Variants in GPN1 observed in about 807,000 individuals in gnomAD.
GPN1 encodes ATP(GTP)-binding protein.
GPN1 carries 44 observed loss-of-function variants against 55.9 expected under a neutral mutation model. The ratio of observed to expected loss-of-function variants is 0.79; its 90% CI spans 0.62 to 1.01. The LOEUF is 1.01. GPN1 is among the 50% of genes least tolerant of loss of function. The pLI, the probability that GPN1 is intolerant of heterozygous loss-of-function variation, is 0.00. For synonymous variants in GPN1, 179 were observed against 162.5 expected, an observed-to-expected ratio of 1.10 and a Z score of -0.77; for missense variants, 466 against 462.8, an observed-to-expected ratio of 1.01 and a Z score of -0.06.
Position 27,643,560 on chromosome 2 carries a change from T to C in GPN1, c.931+1041T>C, listed in dbSNP as rs1041904778. Among the ~76,000 whole-genome samples the C allele has an allele frequency of 6.6e-6, 1 of 152,200 alleles. No homozygotes were observed. Among genetic ancestry groups the C allele is most frequent in the African/African-American group, 2.4e-5 (1 of 41,446 alleles). Reference sequence around the variant, plus strand: ...TTATTCAGATGTAGCCATTTCCCCATGATAGCAGGAGAAAATCTGGATGTG... The same window carrying C: ...TTATTCAGATGTAGCCATTTCCCCACGATAGCAGGAGAAAATCTGGATGTG... On this transcript the variant is annotated intron_variant, in intron 12 of 13. Coordinates refer to ENST00000610189, the MANE Select transcript of GPN1 (RefSeq NM_007266.4). This position sits in a 1 kb window ranked among gnomAD's most constrained non-coding sequence, Gnocchi z 4.0.
chr2:27,631,874 A>G lies in GPN1; in HGVS notation c.286A>G (p.Asn96Asp), dbSNP rs1673566912. 2 of 1,599,800 alleles carry G rather than the reference A, an allele frequency of 1.3e-6. No homozygotes were observed. The highest frequency in any genetic ancestry group is 1.7e-6 in the Non-Finnish European group (2 of 1,166,952). The change falls in exon 4 of 14, where the codon AAT becomes GAT. Residue 96 changes from asparagine to aspartate, a missense_variant. Asn to Asp is a conservative substitution (Grantham distance 23, BLOSUM62 1). Coordinates refer to ENST00000610189, the MANE Select transcript of GPN1 (RefSeq NM_007266.4). ...CAATGGCGGCATAGTGACCTCACTC[A>G]ATCTCTTTGCTACCAGATTTGATCA... ...GPNGGIVTSL[N>D]LFATRFDQVM...
chr2:27,634,514 C>T (rs561746631), intron 5 of GPN1, among the ~76,000 whole-genome samples: 142 of 152,336 alleles, frequency 9.3e-4, no homozygotes, highest in Middle Eastern at 6.8e-3. Flanking sequence ...CACTCACCCC[C>T]GCCCTAAGCA....
At position 27,648,094 on chromosome 2, in the gene GPN1, T is replaced by TCCTG. The variant is rs1674329757; in HGVS notation, c.1039+155_1039+158dup. ...GAGTTTCCTATATTGAGAGTTCCTG[T>TCCTG]CCTGCCTACTGGATGGTTAATACTG... is the stretch of plus-strand genomic sequence containing the variant. On this transcript the variant is annotated intron_variant, in intron 13 of 13. Coordinates refer to ENST00000610189, the MANE Select transcript of GPN1 (RefSeq NM_007266.4). The TCCTG allele has an allele frequency of 4.8e-6, 3 of 618,560 alleles. No individual in the cohort carries two copies. In the African/African-American group the frequency reaches 5.5e-5, roughly 11 times the overall value. The allele number at this position is 618,560 out of a possible 1,614,324, so 38.3% of individuals were successfully genotyped here.
At chr2:27,649,906 C>T (rs550040682) in intron 13 of GPN1, among the ~76,000 whole-genome samples, 3 of 152,270 alleles carry the variant, frequency 2.0e-5, no homozygotes, top group East Asian at 3.9e-4. Context: ...ATTTTAGCTA[C>T]TATGAGGGAG....
In GPN1 at chr2:27,650,161, A is replaced by G. The variant is rs1674457143; in HGVS notation, c.1086A>G (p.Gln362=). ...AGCCAGCATTCCAGAATTTTATGCA[A>G]GAATCGATGGCACAATACTGGAAGA... ...HEEPAFQNFM[Q]ESMAQYWKRN... The change falls in exon 14 of 14, where the codon CAA becomes CAG. Residue 362 remains glutamine, a synonymous_variant. Coordinates refer to ENST00000610189, the MANE Select transcript of GPN1 (RefSeq NM_007266.4). The G allele has an allele frequency of 1.2e-6, 2 of 1,607,896 alleles. No individual in the cohort carries two copies. The highest frequency in any genetic ancestry group is 1.7e-6 in the Non-Finnish European group (2 of 1,174,374).
At position 27,635,135 on chromosome 2, in the gene GPN1, T is replaced by A. The variant is rs1298374690; in HGVS notation, c.430-5T>A. On this transcript the variant is annotated splice_polypyrimidine_tract_variant and splice_region_variant and intron_variant, in intron 6 of 13. Transcript: ENST00000610189. ...ACCAAGGCTTTGATTTTTTTGTGGCTTTAGGCATCCTCATTTCCAACAGTT... is the reference window on the plus strand; with the variant it reads ...ACCAAGGCTTTGATTTTTTTGTGGCATTAGGCATCCTCATTTCCAACAGTT... 6.4e-7 allele frequency: 1 copy of A among 1,550,816 alleles called. No homozygotes were observed. Among genetic ancestry groups the A allele is most frequent in the Admixed American group, 1.7e-5 (1 of 58,606 alleles).
intron 3 of GPN1, chr2:27,631,561 A>G (rs1673554479): frequency 7.5e-6 from 4 of 534,620 alleles, no homozygotes; most frequent in Non-Finnish European, 1.3e-5. Flanking sequence ...GACCAATGCC[A>G]GTGGGCTGTC....
In GPN1 at chr2:27,631,039, C is replaced by T. The variant is rs760892571; in HGVS notation, c.218C>T (p.Thr73Ile). The change falls in exon 3 of 14, where the codon ACT becomes ATT. Residue 73 changes from threonine (T) to isoleucine (I), a missense_variant. Coordinates refer to ENST00000610189, the MANE Select transcript of GPN1 (RefSeq NM_007266.4). ...PFPANIDIRD[T>I]VKYKEVMKQY... ...TTTTTCTCCTCAGATATTCGTGATACTGTAAAGTATAAAGAAGTAATGAAA... is the reference window on the plus strand; with the variant it reads ...TTTTTCTCCTCAGATATTCGTGATATTGTAAAGTATAAAGAAGTAATGAAA... The T allele has an allele frequency of 1.5e-5, 21 of 1,364,818 alleles. No individual in the cohort carries two copies. The highest frequency in any genetic ancestry group is 2.1e-5 in the Non-Finnish European group (20 of 955,082). The allele number at this position is 1,364,818 out of a possible 1,614,324, so 84.5% of individuals were successfully genotyped here. A position where few individuals can be genotyped will look rare whatever the true frequency, so the allele number is the denominator to read the frequency against.
chr2:27,638,185 TA>T, intron 7 of GPN1, 24 bp from the exon 8 acceptor site: 1 of 1,388,764 alleles, frequency 7.2e-7, no homozygotes, highest in Non-Finnish European at 1.0e-6. Context: ...CTTTTACTAA[TA>T]ACTTCTCAAT....
chr2:27,632,454 T>C (rs1370560604), intron 4 of GPN1, among the ~76,000 whole-genome samples, 179 bp from the exon 5 acceptor site: 1 of 152,250 alleles, frequency 6.6e-6, no homozygotes, highest in Non-Finnish European at 1.5e-5. Context: ...GCTGCTGATG[T>C]GGCTGTGTTG....
chr2:27,649,264 C>A (rs1229718511), intron 13 of GPN1, among the ~76,000 whole-genome samples: 77 of 146,742 alleles, frequency 5.2e-4, no homozygotes, highest in East Asian at 8.1e-4. Flanking sequence ...AACAAACAAA[C>A]AAACAAAAAA....
chr2:27,628,565 G>C (rs1225676203), upstream of GPN1: 9 of 1,551,582 alleles, frequency 5.8e-6, no homozygotes, highest in South Asian at 9.5e-5. Flanking sequence ...AAGGGTCTCG[G>C]TGCTGCCCAG....
At chr2:27,644,977 AT>A in intron 12 of GPN1, among the ~76,000 whole-genome samples, 1 of 151,458 alleles carries the variant, frequency 6.6e-6, no homozygotes, top group Middle Eastern at 3.4e-3. Flanking sequence ...TTATTTATTT[AT>A]TTTTTTTGAG....
At position 27,643,958 on chromosome 2, in the gene GPN1, C is replaced by T. The variant is rs928766168; in HGVS notation, c.931+1439C>T. On this transcript the variant is annotated intron_variant, in intron 12 of 13. Coordinates refer to ENST00000610189, the MANE Select transcript of GPN1 (RefSeq NM_007266.4). The surrounding 1 kb of genome is among the most constrained non-coding windows in gnomAD (Gnocchi z 4.0). ...TTTTGGGAGGCCGAGGCGGGTGGAT[C>T]ACTTGAGGTCAGGAATTCGAGACCA... Among the ~76,000 whole-genome samples, 1 of 152,162 alleles carries T rather than the reference C, an allele frequency of 6.6e-6. No individual in the cohort carries two copies. Among genetic ancestry groups the T allele is most frequent in the Non-Finnish European group, 1.5e-5 (1 of 68,014 alleles).
intron 12 of GPN1, among the ~76,000 whole-genome samples, chr2:27,647,383 T>C (rs1674287354): frequency 6.6e-6 from 1 of 152,228 alleles, no homozygotes; most frequent in Non-Finnish European, 1.5e-5. Flanking sequence ...CCTGGCTCCT[T>C]GATAACATTT....
intron 1 of GPN1, 154 bp downstream of exon 1, chr2:27,629,323 C>G: frequency 6.7e-7 from 1 of 1,490,650 alleles, no homozygotes; most frequent in Non-Finnish European, 9.2e-7. Flanking sequence ...CCCGGCAAAG[C>G]CTCCTCGGGC....
intron 10 of GPN1, 56 bp downstream of exon 10, chr2:27,640,181 A>G: frequency 1.7e-6 from 2 of 1,150,802 alleles, no homozygotes; most frequent in South Asian, 2.5e-5. Context: ...CAATTCTGAT[A>G]TGAAAGCAGT....
At chr2:27,642,807 C>T (rs558295229) in intron 12 of GPN1, among the ~76,000 whole-genome samples, 24 of 152,044 alleles carry the variant, frequency 1.6e-4, no homozygotes, top group Admixed American at 1.4e-3. Context: ...TCAGATGATC[C>T]ACCCACCTGG....
rs1558486167 is a variant in GPN1, at chr2:27,632,671, G to A, written c.350+1G>A. 6.3e-7 allele frequency: 1 copy of A among 1,581,412 alleles called. No homozygotes were observed. The highest frequency in any genetic ancestry group is 1.7e-5 in the Admixed American group (1 of 59,986). On this transcript the variant is annotated splice_donor_variant, in intron 5 of 13. Coordinates refer to ENST00000610189, the MANE Select transcript of GPN1 (RefSeq NM_007266.4). LOFTEE classifies it high-confidence loss of function. The stretch of plus-strand genomic sequence containing the variant: ...TTGAGAAGGCCCAGAACATGTCCAA[G>A]TAAGTGATGTCAGTAACACCCATTT...
Sources: gnomAD v4.1 joint callset for allele counts (sites outside exome capture counted in the v4.1 genomes callset) on GRCh38, gnomAD v4.1.1 for gene constraint, Gnocchi (gnomAD v3.1) non-coding constraint, MANE v1.5 for transcripts, NCBI Gene and HGNC (gene_info 2026-07-23, HGNC 2026-07-21) for gene names.